TTC28: variants seen among roughly 807,000 people sequenced by gnomAD.
TTC28 encodes the protein tetratricopeptide repeat domain 28.
TTC28 carries 61 observed loss-of-function variants against 198.0 expected under a neutral mutation model. The ratio of observed to expected loss-of-function variants is 0.31; its 90% CI spans 0.25 to 0.38. The LOEUF is 0.38. Ranked by LOEUF, TTC28 falls within the 10% of genes least tolerant of loss-of-function variation. TTC28 has a pLI of 1.00. For synonymous variants in TTC28, 1,171 were observed against 1,297.8 expected (o/e 0.90, Z 2.10); for missense variants, 2,678 against 3,164.0 (o/e 0.85, Z 3.69).
chr22:28,062,230 T>C (rs1940571503), intron 12 of TTC28, among the ~76,000 whole-genome samples: 1 of 151,914 alleles, frequency 6.6e-6, no homozygotes, highest in African/African-American at 2.4e-5. Flanking sequence ...GCTAATTTTT[T>C]TGGATTTTTA....
chr22:28,261,290 TAAGTA>T (rs1475429953), intron 5 of TTC28, among the ~76,000 whole-genome samples: 1 of 152,012 alleles, frequency 6.6e-6, no homozygotes, highest in Non-Finnish European at 1.5e-5. Flanking sequence ...ATGAAAAAAT[TAAGTA>T]AAGTAATGAT....
At chr22:28,224,759 C>A (rs767238771) in intron 5 of TTC28, among the ~76,000 whole-genome samples, 4 of 152,112 alleles carry the variant, frequency 2.6e-5, no homozygotes, top group African/African-American at 7.2e-5. Flanking sequence ...CCTCCTGAGG[C>A]CCCAGCTGAA....
chr22:28,541,273 C>A (rs955672431), intron 2 of TTC28, among the ~76,000 whole-genome samples: 2 of 152,158 alleles, frequency 1.3e-5, no homozygotes, highest in African/African-American at 4.8e-5. Flanking sequence ...AATTTAGCCC[C>A]ATGATTGCCC....
intron 2 of TTC28, among the ~76,000 whole-genome samples, chr22:28,561,169 G>C (rs1384687478): frequency 1.3e-5 from 2 of 149,684 alleles, no homozygotes; most frequent in Admixed American, 1.3e-4. Context: ...CGCCTCCCGG[G>C]TTCATGCCAT....
At chr22:28,287,417 A>G (rs1175336735) in intron 5 of TTC28, among the ~76,000 whole-genome samples, 1 of 152,206 alleles carries the variant, frequency 6.6e-6, no homozygotes, top group Non-Finnish European at 1.5e-5. Flanking sequence ...GCTCTAACTA[A>G]TAAACAAAAG....
intron 6 of TTC28, among the ~76,000 whole-genome samples, chr22:28,135,743 A>T (rs1601365324): frequency 6.6e-6 from 1 of 152,356 alleles, no homozygotes; most frequent in East Asian, 1.9e-4. Context: ...TGGAAAGTGA[A>T]GGGGAGAAAA....
chr22:28,253,764 T>C (rs1194290384), intron 5 of TTC28, among the ~76,000 whole-genome samples: 2 of 152,104 alleles, frequency 1.3e-5, no homozygotes, highest in Non-Finnish European at 2.9e-5. Flanking sequence ...AAGGGCAGGT[T>C]TCCTATCTGA....
intron 2 of TTC28, among the ~76,000 whole-genome samples, chr22:28,328,099 T>G (rs1266894972): frequency 1.3e-5 from 2 of 152,126 alleles, no homozygotes; most frequent in Non-Finnish European, 2.9e-5. Context: ...ATAAAACATG[T>G]AATAAAGAAT....
intron 5 of TTC28, among the ~76,000 whole-genome samples, chr22:28,178,130 T>C (rs2147098025): frequency 6.6e-6 from 1 of 152,194 alleles, no homozygotes; most frequent in East Asian, 1.9e-4. Flanking sequence ...ACTATTTGTT[T>C]AATTTTCTGT....
chr22:28,079,830 G>A (rs995958674), intron 12 of TTC28, among the ~76,000 whole-genome samples: 2 of 152,134 alleles, frequency 1.3e-5, no homozygotes, highest in Non-Finnish European at 2.9e-5. Flanking sequence ...CCAGGCTCGT[G>A]TGATTCCCCT....
intron 2 of TTC28, among the ~76,000 whole-genome samples, chr22:28,409,846 T>C (rs2047055302): frequency 6.6e-6 from 1 of 151,522 alleles, no homozygotes; most frequent in Non-Finnish European, 1.5e-5. Flanking sequence ...TTGCTAGAGA[T>C]GGGGCTTCAC....
At chr22:28,096,504 C>A in intron 10 of TTC28, 96 bp from the exon 11 acceptor site, 1 of 1,248,688 alleles carries the variant, frequency 8.0e-7, no homozygotes. Context: ...GCAGAAACCT[C>A]ACTGCCTCTA....
intron 2 of TTC28, among the ~76,000 whole-genome samples, chr22:28,415,976 A>C (rs1348325525): frequency 6.6e-6 from 1 of 152,232 alleles, no homozygotes; most frequent in Non-Finnish European, 1.5e-5. Flanking sequence ...GAATGTGTTT[A>C]TCTAAAAAAG....
chr22:28,245,880 A>G (rs1930055029), intron 5 of TTC28, among the ~76,000 whole-genome samples: 1 of 152,184 alleles, frequency 6.6e-6, no homozygotes, highest in Admixed American at 6.5e-5. Context: ...TTTCACTGCA[A>G]TCAAAGAGTG....
At chr22:28,020,162 G>T (rs1269001274) in intron 13 of TTC28, among the ~76,000 whole-genome samples, 1 of 152,160 alleles carries the variant, frequency 6.6e-6, no homozygotes, top group Non-Finnish European at 1.5e-5. Flanking sequence ...CCCTCCTGGG[G>T]GCTGCGGCTC....
chr22:28,355,261 T>C (rs1431361288), intron 2 of TTC28, among the ~76,000 whole-genome samples: 1 of 152,044 alleles, frequency 6.6e-6, no homozygotes, highest in Non-Finnish European at 1.5e-5. Flanking sequence ...TTCTAAAAAA[T>C]AAATTGAAGA....
intron 2 of TTC28, among the ~76,000 whole-genome samples, chr22:28,557,712 T>C (rs2049807407): frequency 6.6e-6 from 1 of 152,244 alleles, no homozygotes; most frequent in African/African-American, 2.4e-5. Context: ...TATTTGGTCA[T>C]CTTGGATTGT....
chr22:28,548,653 T>C (rs567927886), intron 2 of TTC28, among the ~76,000 whole-genome samples: 1 of 152,348 alleles, frequency 6.6e-6, no homozygotes, highest in South Asian at 2.1e-4. Flanking sequence ...CTGGAAGCAT[T>C]CAGCAGATCA....
Position 28,139,861 on chromosome 22 carries a change from G to C in TTC28, c.1441+23231C>G, listed in dbSNP as rs78450174. Among the ~76,000 whole-genome samples the C allele has an allele frequency of 1.6e-3, 247 of 152,056 alleles. 1 individual carries two copies. The highest frequency in any genetic ancestry group is 3.0e-3 in the Non-Finnish European group (202 of 67,980). On this transcript the variant is annotated intron_variant, in intron 6 of 22. Transcript: ENST00000397906. ...TCTGCACAGCTCCCTTTAGCTTCAGGGCCTGAGTCAAATCTCCTCTCTATA... is the reference window on the plus strand; with the variant it reads ...TCTGCACAGCTCCCTTTAGCTTCAGCGCCTGAGTCAAATCTCCTCTCTATA...
Sources: gnomAD v4.1 joint callset for allele counts (sites outside exome capture counted in the v4.1 genomes callset) on GRCh38, gnomAD v4.1.1 for gene constraint, MANE v1.5 for transcripts, NCBI Gene and HGNC (gene_info 2026-07-23, HGNC 2026-07-21) for gene names.